The following SETD1B variants were observed in gnomAD, a reference collection of about 807,000 sequenced individuals.
The protein encoded by SETD1B is histone-lysine N-methyltransferase SETD1B.
In SETD1B, 7 loss-of-function variants were observed where a neutral mutation model predicts 148.0. That is an observed-to-expected ratio of 0.05 (90% CI 0.03 to 0.09). SETD1B has a LOEUF of 0.09. SETD1B is among the 10% of genes least tolerant of loss of function. SETD1B has a pLI of 1.00. For missense variants in SETD1B, 2,155 were observed against 2,729.9 expected (o/e 0.79, Z 4.69); for synonymous variants, 1,361 against 1,186.5 (o/e 1.15, Z -3.02).
rs187551273 is a variant in SETD1B at position 121,810,854 on chromosome 12, A to C, written c.1890+19A>C. 1.2e-4 allele frequency: 170 copies of C among 1,477,092 alleles called. No homozygotes were observed. Among genetic ancestry groups the C allele is most frequent in the Admixed American group, 9.6e-4 (39 of 40,628 alleles). The allele number at this position is 1,477,092 out of a possible 1,614,324, so 91.5% of individuals were successfully genotyped here. A position where few individuals can be genotyped will look rare whatever the true frequency, so the allele number is the denominator to read the frequency against. On this transcript the variant is annotated intron_variant, in intron 6 of 16. Coordinates refer to ENST00000604567, the MANE Select transcript of SETD1B (RefSeq NM_001353345.2). The surrounding 1 kb of genome is among the most constrained non-coding windows in gnomAD (Gnocchi z 7.6). ...GGATGAGGTACCACCGTGTCTGTCC[A>C]TCTGTCTGGGACTGGTTTTGTCTAT...
chr12:121,793,761 G>A, the SETD1B span: 2 of 800,262 alleles, frequency 2.5e-6, no homozygotes, highest in Non-Finnish European at 3.6e-6. Flanking sequence ...GCAGCCTCCC[G>A]GCCGACCTCC....
At chr12:121,825,520 C>CGG (rs1260174449) in intron 13 of SETD1B, among the ~76,000 whole-genome samples, 154 bp downstream of exon 13, 2 of 141,646 alleles carry the variant, frequency 1.4e-5, no homozygotes, top group Non-Finnish European at 3.1e-5. Flanking sequence ...GGCGGGTGGG[C>CGG]GGGGCCTAGG....
chr12:121,825,163 T>C (rs1196688290), intron 12 of SETD1B, 37 bp from the exon 13 acceptor site: 1 of 1,546,582 alleles, frequency 6.5e-7, no homozygotes, highest in East Asian at 2.4e-5. Flanking sequence ...CAGAAGGGGC[T>C]CTCAGAATGT....
chr12:121,823,204 G>A lies in SETD1B; in HGVS notation c.4625G>A (p.Gly1542Glu), dbSNP rs1490354818. The change falls in exon 12 of 17, where the codon GGG becomes GAG. Residue 1542 changes from glycine (G) to glutamate (E), a missense_variant. Gly to Glu is a moderately conservative substitution (Grantham distance 98, BLOSUM62 -2). Around this residue, in one of 11 missense-constraint regions of SETD1B, gnomAD observed 862 missense variants for 873.8 expected, o/e 0.99. Coordinates refer to ENST00000604567, the MANE Select transcript of SETD1B (RefSeq NM_001353345.2). ...LDGPLVRPPAGAALGRELLLL... is the reference protein window; with the variant it reads ...LDGPLVRPPAEAALGRELLLL... The stretch of plus-strand genomic sequence containing the variant: ...GGGCCCTTGGTCCGACCACCAGCAG[G>A]GGCCGCCCTTGGAAGGGAACTCCTG... 6.5e-7 allele frequency: 1 copy of A among 1,548,990 alleles called. No individual in the cohort carries two copies. The highest frequency in any genetic ancestry group is 2.0e-5 in the Admixed American group (1 of 50,986).
chr12:121,815,656 T>G (rs1255016121), intron 7 of SETD1B, among the ~76,000 whole-genome samples: 1 of 151,906 alleles, frequency 6.6e-6, no homozygotes, highest in Non-Finnish European at 1.5e-5. Context: ...ACTACAGGCA[T>G]GTACCACCAC....
rs1338226471 is a variant in SETD1B at position 121,810,182 on chromosome 12, G to A, written c.1237G>A (p.Glu413Lys). 1.9e-6 allele frequency: 3 copies of A among 1,549,670 alleles called. No homozygotes were observed. The highest frequency in any genetic ancestry group is 2.0e-5 in the Admixed American group (1 of 50,974). Residue 413 changes from glutamate to lysine, a missense_variant, in exon 6 of 17, where the codon GAG becomes AAG. By Grantham distance (56) the Glu-to-Lys change is moderately conservative. Around this residue, in one of 11 missense-constraint regions of SETD1B, gnomAD observed 376 missense variants for 385.0 expected, o/e 0.98. Coordinates refer to ENST00000604567, the MANE Select transcript of SETD1B (RefSeq NM_001353345.2). This position sits in a 1 kb window ranked among gnomAD's most constrained non-coding sequence, Gnocchi z 7.6. ...GGCCCACTTCCCTCCACCCCCGGAA[G>A]AGCCCACCGCCACAGCCGCTTTTGG... is the stretch of plus-strand genomic sequence containing the variant. ...PVAHFPPPPE[E>K]PTATAAFGAR... is the part of the protein sequence containing the mutation.
the SETD1B span, chr12:121,793,252 G>A: frequency 1.9e-6 from 3 of 1,550,276 alleles, no homozygotes; most frequent in Non-Finnish European, 2.6e-6. Context: ...GCGGGAGAGG[G>A]GGTCGGGTTG....
Position 121,822,789 on chromosome 12 carries a change from C to T in SETD1B, c.4210C>T (p.Pro1404Ser). ...CCTGTCCCTGAGCTCTCCGCAAGTG[C>T]CCGGCAGCCCCTTCTCCTACCCAGC... Reference protein sequence around the residue: ...SGLSLSSPQVPGSPFSYPAPS... With the variant: ...SGLSLSSPQVSGSPFSYPAPS... Residue 1404 changes from proline to serine, a missense_variant, in exon 12 of 17, where the codon CCC becomes TCC. By Grantham distance (74) the Pro-to-Ser change is moderately conservative. This residue lies in a region of SETD1B where 862 missense variants were observed against 873.8 expected (regional missense o/e 0.99). Coordinates refer to ENST00000604567, the MANE Select transcript of SETD1B (RefSeq NM_001353345.2). 6.6e-7 allele frequency: 1 copy of T among 1,511,610 alleles called. No individual in the cohort carries two copies. Among genetic ancestry groups the T allele is most frequent in the Non-Finnish European group, 8.9e-7 (1 of 1,124,506 alleles). 93.6% of individuals were successfully genotyped at this position (1,511,610 alleles called of 1,614,324 possible).
At chr12:121,803,014 C>CCACTCCCGGACCTTTAATAAA (rs1555335657), upstream of SETD1B, 1 of 151,934 alleles carries the variant, frequency 6.6e-6, no homozygotes, top group South Asian at 2.1e-4. This position sits in a 1 kb window ranked among gnomAD's most constrained non-coding sequence, Gnocchi z 4.7. Flanking sequence ...TTGGCTGCCG[C>CCACTCCCGGACCTTTAATAAA]GCCCTGCCGC....
chr12:121,827,233 G>T (rs905671965), intron 13 of SETD1B, among the ~76,000 whole-genome samples: 1 of 152,162 alleles, frequency 6.6e-6, no homozygotes, highest in Non-Finnish European at 1.5e-5. Context: ...GTCTGGGTGA[G>T]AGCCAAGGAG....
chr12:121,796,854 C>G, the SETD1B span, among the ~76,000 whole-genome samples: 9 of 152,188 alleles, frequency 5.9e-5, no homozygotes, highest in African/African-American at 2.2e-4. Flanking sequence ...GCCTGACCAA[C>G]ATGGAGAAAC....
In SETD1B at chr12:121,817,754, C is replaced by G; in HGVS notation, c.3313-45C>G. Reference sequence around the variant, plus strand: ...AGGGGGCCGGGCCAGGCGACGAGGGCCAGACCCTTCGGCTCACCTGTCCCC... The same window carrying G: ...AGGGGGCCGGGCCAGGCGACGAGGGGCAGACCCTTCGGCTCACCTGTCCCC... On this transcript the variant is annotated intron_variant, in intron 9 of 16. Coordinates refer to ENST00000604567, the MANE Select transcript of SETD1B (RefSeq NM_001353345.2). The surrounding 1 kb of genome is among the most constrained non-coding windows in gnomAD (Gnocchi z 8.1). The G allele has an allele frequency of 6.5e-7, 1 of 1,540,748 alleles. No homozygotes were observed. The highest frequency in any genetic ancestry group is 8.8e-7 in the Non-Finnish European group (1 of 1,139,960).
chr12:121,808,412 C>G lies in SETD1B; in HGVS notation c.657+92C>G. On this transcript the variant is annotated intron_variant, in intron 5 of 16. Coordinates refer to ENST00000604567, the MANE Select transcript of SETD1B (RefSeq NM_001353345.2). This position sits in a 1 kb window ranked among gnomAD's most constrained non-coding sequence, Gnocchi z 5.3. ...CTCACCAACTCTCTTATGGGACCCC[C>G]AGCCTACCCCCACCTCACTCCAGCT... 1 of 767,314 alleles carries G rather than the reference C, an allele frequency of 1.3e-6. No homozygotes were observed. The highest frequency in any genetic ancestry group is 2.2e-6 in the Non-Finnish European group (1 of 461,782). The allele number at this position is 767,314 out of a possible 1,614,324, so 47.5% of individuals were successfully genotyped here. A position where few individuals can be genotyped will look rare whatever the true frequency, so the allele number is the denominator to read the frequency against.
chr12:121,818,657 AAGGCAAGTGGATCACG>A (rs1876413948), intron 10 of SETD1B, among the ~76,000 whole-genome samples: 1 of 149,992 alleles, frequency 6.7e-6, no homozygotes, highest in Non-Finnish European at 1.5e-5. Context: ...TTGGGAGGCC[AAGGCAAGTGGATCACG>A]AGGTCAACAG....
At chr12:121,812,969 G>A (rs892237743) in intron 6 of SETD1B, among the ~76,000 whole-genome samples, 35 of 151,148 alleles carry the variant, frequency 2.3e-4, no homozygotes, top group African/African-American at 8.5e-4. Flanking sequence ...AGCCTTCAAA[G>A]GTCCCCCCAC....
At position 121,814,255 on chromosome 12, in the gene SETD1B, G is replaced by A. The variant is rs747374516; in HGVS notation, c.2040G>A (p.Pro680=). 72 of 1,421,580 alleles carry A rather than the reference G, an allele frequency of 5.1e-5. No individual in the cohort carries two copies. The highest frequency in any genetic ancestry group is 3.4e-5 in the Non-Finnish European group (37 of 1,088,572). The allele number at this position is 1,421,580 out of a possible 1,614,324, so 88.1% of individuals were successfully genotyped here. A position where few individuals can be genotyped will look rare whatever the true frequency, so the allele number is the denominator to read the frequency against. The change falls in exon 7 of 17, where the codon CCG becomes CCA. Residue 680 remains proline, a synonymous_variant. Transcript: ENST00000604567. ...AAPSVLAPTL[P]LPPPPGFPPL... ...CTTCTGTGCTAGCCCCAACCCTGCCGCTGCCCCCGCCACCTGGCTTCCCCC... is the reference window on the plus strand; with the variant it reads ...CTTCTGTGCTAGCCCCAACCCTGCCACTGCCCCCGCCACCTGGCTTCCCCC...
Position 121,827,489 on chromosome 12 carries a change from C to A in SETD1B, c.5338-30C>A, listed in dbSNP as rs1037214177. The A allele has an allele frequency of 6.0e-6, 9 of 1,508,520 alleles. No individual in the cohort carries two copies. The African/African-American group carries it at 9.7e-5, about 16-fold the overall frequency. The allele number at this position is 1,508,520 out of a possible 1,614,324, so 93.4% of individuals were successfully genotyped here. A position where few individuals can be genotyped will look rare whatever the true frequency, so the allele number is the denominator to read the frequency against. The stretch of plus-strand genomic sequence containing the variant: ...GGGACCGCCGAGGACACGGCCAGCT[C>A]CGCTGAGCCCCGCACACCGTCCACT... On this transcript the variant is annotated intron_variant, in intron 13 of 16. Coordinates refer to ENST00000604567, the MANE Select transcript of SETD1B (RefSeq NM_001353345.2).
chr12:121,808,414 G>T lies in SETD1B; in HGVS notation c.657+94G>T. ...CACCAACTCTCTTATGGGACCCCCA[G>T]CCTACCCCCACCTCACTCCAGCTTT... On this transcript the variant is annotated intron_variant, in intron 5 of 16. Transcript: ENST00000604567. This position sits in a 1 kb window ranked among gnomAD's most constrained non-coding sequence, Gnocchi z 5.3. 1.3e-6 allele frequency: 1 copy of T among 760,958 alleles called. No individual in the cohort carries two copies. Among genetic ancestry groups the T allele is most frequent in the South Asian group, 1.7e-5 (1 of 59,542 alleles). 47.1% of individuals were successfully genotyped at this position (760,958 alleles called of 1,614,324 possible).
At position 121,808,671 on chromosome 12, in the gene SETD1B, T is replaced by C. The variant is rs941823079; in HGVS notation, c.657+351T>C. Among the ~76,000 whole-genome samples the C allele has an allele frequency of 9.9e-5, 15 of 152,218 alleles. No individual in the cohort carries two copies. The highest frequency in any genetic ancestry group is 3.4e-4 in the African/African-American group (14 of 41,466). On this transcript the variant is annotated intron_variant, in intron 5 of 16. Transcript: ENST00000604567. This position sits in a 1 kb window ranked among gnomAD's most constrained non-coding sequence, Gnocchi z 5.3. ...ACATTGCTGTTTCCGGGGTCCTTAGTGTCTGGTGTCCTGGGCATGCCACTA... is the reference window on the plus strand; with the variant it reads ...ACATTGCTGTTTCCGGGGTCCTTAGCGTCTGGTGTCCTGGGCATGCCACTA...
Sources: gnomAD v4.1 joint callset for allele counts (sites outside exome capture counted in the v4.1 genomes callset) on GRCh38, gnomAD v4.1.1 for gene constraint, gnomAD v4.1.1 regional missense constraint, Gnocchi (gnomAD v3.1) non-coding constraint, MANE v1.5 for transcripts, NCBI Gene and HGNC (gene_info 2026-07-23, HGNC 2026-07-21) for gene names.